Variants in DNAH14 observed in about 807,000 individuals in gnomAD.
DNAH14 encodes the protein axonemal beta dynein heavy chain 14.
Under a neutral mutation model 520.9 loss-of-function variants are expected in DNAH14, and 478 were observed. The observed-to-expected ratio is 0.92, with a 90% confidence interval of 0.85 to 0.99. The LOEUF (loss-of-function observed/expected upper bound fraction) is 0.99, where lower values mean the gene tolerates loss of function less well. Ranked by LOEUF, DNAH14 falls within the 50% of genes least tolerant of loss-of-function variation. The pLI is 0.00. For synonymous variants in DNAH14, 1,581 were observed against 1,757.2 expected, an observed-to-expected ratio of 0.90 and a Z score of 2.51; for missense variants, 4,831 against 5,234.5, an observed-to-expected ratio of 0.92 and a Z score of 2.38.
rs1272417218 is a variant in DNAH14, at chr1:225,264,276, A to G, written c.7222+15A>G. The G allele has an allele frequency of 6.5e-7, 1 of 1,537,880 alleles. No individual in the cohort carries two copies. The highest frequency in any genetic ancestry group is 2.0e-5 in the Admixed American group (1 of 50,388). On this transcript the variant is annotated intron_variant, in intron 47 of 85. Transcript: ENST00000682510. ...TGGAAGTTCAGGTATATATTATAGTACAGTTTCAAAGCTATGCTATGTTTC... is the reference window on the plus strand; with the variant it reads ...TGGAAGTTCAGGTATATATTATAGTGCAGTTTCAAAGCTATGCTATGTTTC...
intron 48 of DNAH14, 118 bp from the exon 49 acceptor site, chr1:225,266,522 TG>T (rs2093125749): frequency 4.8e-6 from 3 of 619,766 alleles, no homozygotes; most frequent in Middle Eastern, 4.5e-4. Context: ...TATGATTTTG[TG>T]CTTACTCCAT....
chr1:225,151,834 G>T (rs1221964090), intron 31 of DNAH14, 171 bp from the exon 32 acceptor site: 1 of 712,570 alleles, frequency 1.4e-6, no homozygotes, highest in African/African-American at 1.8e-5. Flanking sequence ...CTTTGGCTCA[G>T]CATGAGCCTC....
At position 225,390,836 on chromosome 1, in the gene DNAH14, C is replaced by T. The variant is rs1247963742; in HGVS notation, c.13330+963C>T. Among the ~76,000 whole-genome samples, 3 of 152,062 alleles carry T rather than the reference C, an allele frequency of 2.0e-5. No individual in the cohort carries two copies. In the East Asian group the frequency reaches 5.8e-4, roughly 29 times the overall value. On this transcript the variant is annotated intron_variant, in intron 83 of 85. Transcript: ENST00000682510. ...ACTATCCCTGTTTGCAGAGAGAAAACCTTAGCACAGAGAAGTTAAGAAATT... is the reference window on the plus strand; with the variant it reads ...ACTATCCCTGTTTGCAGAGAGAAAATCTTAGCACAGAGAAGTTAAGAAATT...
chr1:224,960,344 C>G (rs1281426753), intron 4 of DNAH14, 42 bp downstream of exon 4: 1 of 1,462,250 alleles, frequency 6.8e-7, no homozygotes, highest in Admixed American at 2.5e-5. Context: ...AATCACTATA[C>G]TTTTTCAGAT....
At chr1:224,954,728 T>C (rs1404081845) in intron 2 of DNAH14, among the ~76,000 whole-genome samples, 2 of 152,168 alleles carry the variant, frequency 1.3e-5, no homozygotes, top group Non-Finnish European at 1.5e-5. Context: ...ATGTTGCAGA[T>C]CTTTTTCAAA....
chr1:225,294,388 C>T (rs555170758), intron 55 of DNAH14, among the ~76,000 whole-genome samples: 1 of 152,156 alleles, frequency 6.6e-6, no homozygotes, highest in African/African-American at 2.4e-5. Context: ...GAATATTGGC[C>T]TATAGTTTTC....
rs543686715 is a variant in DNAH14, at chr1:225,172,133, A to G, written c.5535+4105A>G. On this transcript the variant is annotated intron_variant, in intron 36 of 85. Coordinates refer to ENST00000682510, the MANE Select transcript of DNAH14 (RefSeq NM_001367479.1). ...TATCTCAAAATAATAAGAGCTATCTATGACAAACCCACAGCCAATATCATA... is the reference window on the plus strand; with the variant it reads ...TATCTCAAAATAATAAGAGCTATCTGTGACAAACCCACAGCCAATATCATA... Among the ~76,000 whole-genome samples the G allele has an allele frequency of 3.9e-5, 6 of 152,348 alleles. No homozygotes were observed. The South Asian group carries it at 1.0e-3, about 26-fold the overall frequency.
chr1:225,058,110 A>G (rs12122749), intron 17 of DNAH14, among the ~76,000 whole-genome samples: 112,269 of 152,028 alleles, frequency 0.74, 44,341 homozygotes, highest in Non-Finnish European at 0.88. Context: ...GAATGGTACC[A>G]GCTCCTCCTT....
chr1:225,139,465 A>G (rs2079236869), intron 27 of DNAH14, among the ~76,000 whole-genome samples: 1 of 152,180 alleles, frequency 6.6e-6, no homozygotes, highest in African/African-American at 2.4e-5. Context: ...TGCAGTTTAC[A>G]ACTCCCCTTT....
intron 36 of DNAH14, among the ~76,000 whole-genome samples, chr1:225,184,751 AAAAG>A (rs1387531166): frequency 6.6e-6 from 1 of 152,020 alleles, no homozygotes; most frequent in African/African-American, 2.4e-5. Flanking sequence ...TATCTTAAAA[AAAAG>A]AGAGAGAGAG....
intron 81 of DNAH14, among the ~76,000 whole-genome samples, chr1:225,386,095 T>A (rs1421388255): frequency 2.0e-5 from 3 of 152,140 alleles, no homozygotes; most frequent in Non-Finnish European, 4.4e-5. Context: ...AACCATCTGA[T>A]CTTTGAGAAA....
chr1:225,099,034 C>T (rs922576159), intron 22 of DNAH14, among the ~76,000 whole-genome samples: 6 of 151,988 alleles, frequency 3.9e-5, no homozygotes, highest in Non-Finnish European at 7.4e-5. Context: ...GACTCTCTAA[C>T]GGGAATATAT....
intron 35 of DNAH14, among the ~76,000 whole-genome samples, chr1:225,166,252 A>C (rs927929902): frequency 1.3e-5 from 2 of 152,082 alleles, no homozygotes; most frequent in African/African-American, 2.4e-5. Context: ...TCATCTTTTC[A>C]TCAGCTTTAC....
intron 1 of DNAH14, among the ~76,000 whole-genome samples, chr1:224,948,934 G>C (rs547028489): frequency 6.6e-6 from 1 of 152,122 alleles, no homozygotes; most frequent in South Asian, 2.1e-4. Context: ...ATTGTTTTAT[G>C]CAGTGTTTGT....
At chr1:225,392,533 C>T (rs1425014170) in intron 84 of DNAH14, 82 bp downstream of exon 84, 2 of 1,499,766 alleles carry the variant, frequency 1.3e-6, no homozygotes, top group Non-Finnish European at 1.8e-6. Context: ...CCTTTACAAA[C>T]CTTTACTCAG....
intron 20 of DNAH14, among the ~76,000 whole-genome samples, chr1:225,085,189 C>T (rs568210707): frequency 2.0e-5 from 3 of 151,784 alleles, no homozygotes; most frequent in South Asian, 2.1e-4. Flanking sequence ...TAAGTAAAAG[C>T]GTGTCACAAA....
At chr1:225,398,274 A>C (rs2096053804) in intron 84 of DNAH14, among the ~76,000 whole-genome samples, 1 of 152,210 alleles carries the variant, frequency 6.6e-6, no homozygotes, top group South Asian at 2.1e-4. Flanking sequence ...CTTCATGCTG[A>C]GGAAGGGTGT....
chr1:225,371,247 A>G (rs574741535), intron 77 of DNAH14, among the ~76,000 whole-genome samples: 1 of 152,292 alleles, frequency 6.6e-6, no homozygotes, highest in African/African-American at 2.4e-5. Context: ...GCAATGAAAC[A>G]AAAGAATAAT....
chr1:225,277,601 T>C (rs772555747), intron 54 of DNAH14, 99 bp downstream of exon 54: 1 of 417,020 alleles, frequency 2.4e-6, no homozygotes, highest in Admixed American at 2.8e-5. Context: ...AGCCACACTT[T>C]GTGAAAAATC....
Sources: allele counts gnomAD v4.1 joint callset (sites outside exome capture counted in the v4.1 genomes callset), GRCh38; gene constraint gnomAD v4.1.1; transcripts MANE v1.5; gene names NCBI Gene and HGNC (gene_info 2026-07-23, HGNC 2026-07-21).